Variants in ZFP90 observed in about 807,000 individuals in gnomAD.
ZFP90 encodes the protein zinc finger protein 90 homolog.
Under a neutral mutation model 60.8 loss-of-function variants are expected in ZFP90, and 38 were observed. The ratio of observed to expected loss-of-function variants is 0.62; its 90% CI spans 0.48 to 0.82. ZFP90 has a LOEUF of 0.82. Ranked by LOEUF, ZFP90 falls within the 40% of genes least tolerant of loss-of-function variation. The pLI is 0.00. For synonymous variants in ZFP90, 287 were observed against 264.8 expected (o/e 1.08, Z -0.82); for missense variants, 711 against 759.1 (o/e 0.94, Z 0.74).
At position 68,551,961 on chromosome 16, in the gene ZFP90, C is replaced by T. The variant is rs149831293; in HGVS notation, c.34-6037C>T. 5.2e-3 allele frequency among the ~76,000 whole-genome samples: 778 copies of T among 149,518 alleles called. 9 individuals carry two copies. The highest frequency in any genetic ancestry group is 0.018 in the African/African-American group (743 of 40,568). On this transcript the variant is annotated intron_variant, in intron 2 of 4. Coordinates refer to ENST00000563169, the MANE Select transcript of ZFP90 (RefSeq NM_001305203.2). ...ATTTTTATTAGAGAGGGAGTTTCAC[C>T]GTGTTAGCCAGGATGGTCTCGATCT... is the stretch of plus-strand genomic sequence containing the variant.
intron 1 of ZFP90, 27 bp from the exon 2 acceptor site, chr16:68,539,731 T>A: frequency 4.7e-6 from 7 of 1,495,644 alleles, no homozygotes; most frequent in Non-Finnish European, 6.3e-6. Context: ...TGCAGCGGGG[T>A]GAGTGGGCCC....
chr16:68,568,254 G>A (rs2091549113), downstream of ZFP90, among the ~76,000 whole-genome samples: 1 of 152,332 alleles, frequency 6.6e-6, no homozygotes, highest in African/African-American at 2.4e-5. Context: ...TAGTGATATA[G>A]TGTTTTAAGT....
In ZFP90 at chr16:68,558,316, A is replaced by C. The variant is rs2091380571; in HGVS notation, c.161-157A>C. 1.1e-5 allele frequency: 12 copies of C among 1,138,992 alleles called. No homozygotes were observed. The South Asian group carries it at 1.6e-4, about 15-fold the overall frequency. The allele number at this position is 1,138,992 out of a possible 1,614,324, so 70.6% of individuals were successfully genotyped here. A position where few individuals can be genotyped will look rare whatever the true frequency, so the allele number is the denominator to read the frequency against. On this transcript the variant is annotated intron_variant, in intron 3 of 4. Transcript: ENST00000563169. ...AGGTAAAAGGTCTTTATTTTGCAAA[A>C]CTGGAAATAGGCAATTTGATTGCAT... is the stretch of plus-strand genomic sequence containing the variant.
chr16:68,571,802 TAAA>T (rs1567417142), downstream of ZFP90, among the ~76,000 whole-genome samples: 1 of 151,578 alleles, frequency 6.6e-6, no homozygotes, highest in Non-Finnish European at 1.5e-5. Flanking sequence ...AAAAAATTGT[TAAA>T]AGAAAAAGTC....
intron 2 of ZFP90, among the ~76,000 whole-genome samples, chr16:68,545,336 T>C (rs947080889): frequency 6.6e-6 from 1 of 152,142 alleles, no homozygotes; most frequent in Non-Finnish European, 1.5e-5. Context: ...TCATTCAGAA[T>C]CACTTAAGCC....
chr16:68,568,463 AATT>A (rs1261228861), downstream of ZFP90, among the ~76,000 whole-genome samples: 3 of 152,192 alleles, frequency 2.0e-5, no homozygotes, highest in Non-Finnish European at 4.4e-5. Context: ...AACTTGGTAT[AATT>A]ATTTTGGGGA....
intron 2 of ZFP90, chr16:68,574,118 G>C (rs1000924684): frequency 2.0e-5 from 3 of 148,420 alleles, no homozygotes; most frequent in Non-Finnish European, 4.4e-5. Flanking sequence ...CAGATGGCAG[G>C]AGACTGCCAT....
At chr16:68,536,758 C>T (rs1001358956), upstream of ZFP90, among the ~76,000 whole-genome samples, 5 of 152,162 alleles carry the variant, frequency 3.3e-5, no homozygotes, top group Non-Finnish European at 7.4e-5. Flanking sequence ...TTCATCTTTC[C>T]TTAGAATGCA....
chr16:68,569,823 C>A (rs1433822363), downstream of ZFP90, among the ~76,000 whole-genome samples: 1 of 152,162 alleles, frequency 6.6e-6, no homozygotes, highest in Non-Finnish European at 1.5e-5. Flanking sequence ...AATTCCTCTT[C>A]TCTGTGCATC....
At chr16:68,562,420 AAGG>A (rs1206123689) in intron 4 of ZFP90, 1 of 152,356 alleles carries the variant, frequency 6.6e-6, no homozygotes, top group East Asian at 1.9e-4. Flanking sequence ...TTTTTGGTCA[AAGG>A]AGGTAATTAG....
intron 2 of ZFP90, among the ~76,000 whole-genome samples, chr16:68,546,495 G>A (rs2091152436): frequency 6.6e-6 from 1 of 152,052 alleles, no homozygotes; most frequent in African/African-American, 2.4e-5. Context: ...TCATATAAGT[G>A]GAATCAAACA....
At chr16:68,536,910 C>T (rs925406908), upstream of ZFP90, among the ~76,000 whole-genome samples, 4 of 152,196 alleles carry the variant, frequency 2.6e-5, no homozygotes, top group African/African-American at 4.8e-5. Flanking sequence ...CCACACCCCT[C>T]ATCACAACCT....
chr16:68,564,096 C>T lies in ZFP90; in HGVS notation c.1309C>T (p.Leu437Phe). ...YSIDFKHSTSLTQDESTLTEV... is the reference protein window; with the variant it reads ...YSIDFKHSTSFTQDESTLTEV... ...CATAGATTTCAAGCACAGCACATCT[C>T]TCACTCAAGATGAAAGCACTCTTAC... Residue 437 changes from leucine (L) to phenylalanine (F), a missense_variant, in exon 5 of 5, where the codon CTC (leucine) becomes TTC (phenylalanine). Physicochemically the swap from Leu to Phe is conservative, Grantham distance 22. Around this residue, in one of 5 missense-constraint regions of ZFP90, gnomAD observed 295 missense variants for 274.0 expected, o/e 1.08. Coordinates refer to ENST00000563169, the MANE Select transcript of ZFP90 (RefSeq NM_001305203.2). The T allele has an allele frequency of 2.5e-6, 4 of 1,614,152 alleles. No individual in the cohort carries two copies. Among genetic ancestry groups the T allele is most frequent in the Non-Finnish European group, 3.4e-6 (4 of 1,180,012 alleles).
chr16:68,558,479 A>G lies in ZFP90; in HGVS notation c.167A>G (p.Gln56Arg). 3.1e-6 allele frequency: 5 copies of G among 1,613,966 alleles called. No individual in the cohort carries two copies. The South Asian group carries it at 5.5e-5, about 18-fold the overall frequency. ...NYSHLVSLGY[Q>R]VSKPEVIFKL... is the part of the protein sequence containing the mutation. The stretch of plus-strand genomic sequence containing the variant: ...TGTATTTACCCATGAGCAGGATATC[A>G]AGTTTCCAAGCCAGAGGTGATCTTC... Residue 56 changes from glutamine to arginine, a missense_variant, in exon 4 of 5, where the codon CAA (glutamine) becomes CGA (arginine). Gln to Arg is a conservative substitution (Grantham distance 43). Around this residue, in one of 5 missense-constraint regions of ZFP90, gnomAD observed 241 missense variants for 247.6 expected, o/e 0.97. Coordinates refer to ENST00000563169, the MANE Select transcript of ZFP90 (RefSeq NM_001305203.2).
At chr16:68,558,368 C>A in intron 3 of ZFP90, 105 bp from the exon 4 acceptor site, 6 of 1,212,422 alleles carry the variant, frequency 4.9e-6, no homozygotes, top group Non-Finnish European at 7.2e-6. Flanking sequence ...CCTTTTTTTT[C>A]CTTCAGAGTT....
chr16:68,539,753 C>T lies in ZFP90; in HGVS notation c.-35-5C>T. 1.9e-6 allele frequency: 3 copies of T among 1,555,780 alleles called. No homozygotes were observed. The highest frequency in any genetic ancestry group is 1.7e-6 in the Non-Finnish European group (2 of 1,150,772). ...GGGTGAGTGGGCCCTGTCCTTTCTC[C>T]CCAGCTCCTGCCCCGGAGCCGGGCC... On this transcript the variant is annotated splice_polypyrimidine_tract_variant and splice_region_variant and intron_variant, in intron 1 of 4. Transcript: ENST00000563169.
chr16:68,534,480 G>C (rs1001273401), upstream of ZFP90, among the ~76,000 whole-genome samples: 2 of 148,982 alleles, frequency 1.3e-5, no homozygotes, highest in Non-Finnish European at 3.0e-5. Context: ...CACCTGCCTC[G>C]GCCTCTCAAA....
At chr16:68,574,240 A>T (rs1316832491) in intron 2 of ZFP90, 1 of 148,094 alleles carries the variant, frequency 6.8e-6, no homozygotes, top group Non-Finnish European at 1.5e-5. Context: ...AAAAAAAAAA[A>T]AAAAAAAAAA....
At chr16:68,567,551 G>A (rs954999793), downstream of ZFP90, among the ~76,000 whole-genome samples, 1 of 152,110 alleles carries the variant, frequency 6.6e-6, no homozygotes, top group African/African-American at 2.4e-5. Flanking sequence ...GTGTTGCTAG[G>A]CCAAAAGATA....
Sources: allele counts gnomAD v4.1 joint callset (sites outside exome capture counted in the v4.1 genomes callset), GRCh38; gene constraint gnomAD v4.1.1; regional missense constraint gnomAD v4.1.1; transcripts MANE v1.5; gene names NCBI Gene and HGNC (gene_info 2026-07-23, HGNC 2026-07-21).